NUP93: variants seen among roughly 807,000 people sequenced by gnomAD.
NUP93 encodes nucleoporin 93.
Under a neutral mutation model 107.8 loss-of-function variants are expected in NUP93, and 55 were observed. That is an observed-to-expected ratio of 0.51 (90% CI 0.41 to 0.64). The LOEUF (loss-of-function observed/expected upper bound fraction) is 0.64. Among genes scored for constraint, NUP93 ranks in the 30% least tolerant of loss-of-function variants. The pLI is 0.00. For missense variants in NUP93, 937 were observed against 1,044.7 expected (o/e 0.90, Z 1.42); for synonymous variants, 390 against 397.5 (o/e 0.98, Z 0.22).
In NUP93 at chr16:56,838,936, C is replaced by T. The variant is rs762637399; in HGVS notation, c.2019-16C>T. The T allele has an allele frequency of 3.8e-6, 6 of 1,571,152 alleles. No homozygotes were observed. The highest frequency in any genetic ancestry group is 5.3e-6 in the Non-Finnish European group (6 of 1,142,754). ...TGATACACTCTTACTACCCCCACCC[C>T]GTTTTTGTCTTTCAGGTATAGGGCT... On this transcript the variant is annotated splice_polypyrimidine_tract_variant and intron_variant, in intron 18 of 21. Coordinates refer to ENST00000308159, the MANE Select transcript of NUP93 (RefSeq NM_014669.5).
intron 3 of NUP93, among the ~76,000 whole-genome samples, chr16:56,794,695 G>A (rs1223025358): frequency 6.6e-6 from 1 of 151,850 alleles, no homozygotes; most frequent in Non-Finnish European, 1.5e-5. Flanking sequence ...TTGGGAGGCC[G>A]AGGCGGGTGG....
chr16:56,805,668 A>C, intron 5 of NUP93, 36 bp downstream of exon 5: 1 of 1,594,078 alleles, frequency 6.3e-7, no homozygotes, highest in Non-Finnish European at 8.6e-7. Flanking sequence ...ACTGTTAATA[A>C]AAACATGAAG....
rs1350504053 is a variant in NUP93 at position 56,848,867 on chromosome 16, T to C, written c.*4258T>C. 6.6e-6 allele frequency: 1 copy of C among 152,246 alleles called. No individual in the cohort carries two copies. Among genetic ancestry groups the C allele is most frequent in the African/African-American group, 2.4e-5 (1 of 41,468 alleles). The allele number at this position is 152,246 out of a possible 1,614,324, so 9.4% of individuals were successfully genotyped here. A position where few individuals can be genotyped will look rare whatever the true frequency, so the allele number is the denominator to read the frequency against. On this transcript the variant is annotated 3_prime_UTR_variant, in exon 22 of 22. Transcript: ENST00000308159. The stretch of plus-strand genomic sequence containing the variant: ...TTGTTCCCAGAGTTGTGCATAATTC[T>C]TTAAAAGTAGGCTCGTTTTTTTCGT...
In NUP93 at chr16:56,736,888, A is replaced by C. The variant is rs1191611776; in HGVS notation, c.-15+6677A>C. Among the ~76,000 whole-genome samples the C allele has an allele frequency of 8.5e-5, 13 of 152,350 alleles. No homozygotes were observed. The South Asian group carries it at 2.1e-3, about 24-fold the overall frequency. On this transcript the variant is annotated intron_variant, in intron 1 of 21. Coordinates refer to ENST00000308159, the MANE Select transcript of NUP93 (RefSeq NM_014669.5). ...AGATCACATATACTCATGGAAAAGA[A>C]TTTGCCCTGACAAGGGAATCAAATG...
At position 56,788,671 on chromosome 16, in the gene NUP93, G is replaced by A. The variant is rs190104915; in HGVS notation, c.298-9805G>A. On this transcript the variant is annotated intron_variant, in intron 3 of 21. Transcript: ENST00000308159. ...TGAAAAGGGCAGAACTGGCTTTGCA[G>A]TAGTAGCACGGAGATTTAAATGGCC... is the stretch of plus-strand genomic sequence containing the variant. Among the ~76,000 whole-genome samples the A allele has an allele frequency of 8.5e-5, 13 of 152,352 alleles. 1 individual carries two copies. The highest frequency in any genetic ancestry group is 7.2e-4 in the Admixed American group (11 of 15,306).
intron 1 of NUP93, among the ~76,000 whole-genome samples, chr16:56,745,064 G>A (rs1223882930): frequency 4.6e-5 from 7 of 152,282 alleles, no homozygotes; most frequent in East Asian, 1.9e-4. Context: ...TTATATTCTC[G>A]CAGAGGTGAC....
rs1964107735 is a variant in NUP93, at chr16:56,845,626, G to C, written c.*1017G>C. The C allele has an allele frequency of 6.6e-6, 1 of 152,214 alleles. No homozygotes were observed. Among genetic ancestry groups the C allele is most frequent in the African/African-American group, 2.4e-5 (1 of 41,446 alleles). The allele number at this position is 152,214 out of a possible 1,614,324, so 9.4% of individuals were successfully genotyped here. On this transcript the variant is annotated 3_prime_UTR_variant, in exon 22 of 22. Transcript: ENST00000308159. ...CCAGAGAGCAAATTAGGTCGTGTTT[G>C]TTCCTGAATGGGCCAACTGGAGCCT... is the stretch of plus-strand genomic sequence containing the variant.
intron 5 of NUP93, among the ~76,000 whole-genome samples, chr16:56,815,859 A>ACTGCTG (rs1386091589): frequency 8.2e-5 from 7 of 84,942 alleles, no homozygotes; most frequent in African/African-American, 3.3e-4. Flanking sequence ...TCCAGCTACT[A>ACTGCTG]CTGCTACTGC....
intron 8 of NUP93, 30 bp downstream of exon 8, chr16:56,823,876 C>T: frequency 6.2e-7 from 1 of 1,604,676 alleles, no homozygotes; most frequent in East Asian, 2.2e-5. Context: ...GTGGGGCTGG[C>T]TTTCACATCC....
At chr16:56,835,433 C>T (rs1963889514) in intron 16 of NUP93, among the ~76,000 whole-genome samples, 1 of 152,260 alleles carries the variant, frequency 6.6e-6, no homozygotes, top group Non-Finnish European at 1.5e-5. Flanking sequence ...CTCACACCAT[C>T]TACCTCAGAA....
At chr16:56,763,196 T>G (rs1385847014) in intron 3 of NUP93, among the ~76,000 whole-genome samples, 1 of 152,230 alleles carries the variant, frequency 6.6e-6, no homozygotes, top group Non-Finnish European at 1.5e-5. Flanking sequence ...AGATATCCAT[T>G]GCTAGTCGTT....
At chr16:56,794,921 C>CT (rs1187656875) in intron 3 of NUP93, among the ~76,000 whole-genome samples, 2 of 91,250 alleles carry the variant, frequency 2.2e-5, no homozygotes, top group African/African-American at 1.0e-4. Context: ...GAGCGAGACT[C>CT]TGTCTCAAAA....
At chr16:56,783,439 C>G (rs1226011953) in intron 3 of NUP93, 5 of 980,524 alleles carry the variant, frequency 5.1e-6, no homozygotes, top group Non-Finnish European at 6.1e-6. Context: ...TCCTTTGAAA[C>G]TCTGACCCAG....
Position 56,793,112 on chromosome 16 carries a change from A to T in NUP93, c.298-5364A>T, listed in dbSNP as rs1385844844. ...TGCCTAGAGCAGTGTCTGGCCCTTAATTGCTTCCTGAATGGTGGCTATTAT... is the reference window on the plus strand; with the variant it reads ...TGCCTAGAGCAGTGTCTGGCCCTTATTTGCTTCCTGAATGGTGGCTATTAT... On this transcript the variant is annotated intron_variant, in intron 3 of 21. Transcript: ENST00000308159. Among the ~76,000 whole-genome samples, 4 of 152,148 alleles carry T rather than the reference A, an allele frequency of 2.6e-5. No individual in the cohort carries two copies. The East Asian group carries it at 7.7e-4, about 29-fold the overall frequency.
intron 5 of NUP93, among the ~76,000 whole-genome samples, chr16:56,813,880 A>G (rs1250218953): frequency 3.9e-5 from 6 of 152,154 alleles, no homozygotes; most frequent in Admixed American, 3.9e-4. Context: ...TATTCCTCTC[A>G]TTTTGTCCAT....
intron 11 of NUP93, 51 bp downstream of exon 11, chr16:56,832,058 C>A: frequency 6.3e-7 from 1 of 1,597,128 alleles, no homozygotes. Context: ...TTTCTGTGCT[C>A]AAGTCCCCGC....
intron 17 of NUP93, 33 bp from the exon 18 acceptor site, chr16:56,837,575 T>G: frequency 6.6e-7 from 1 of 1,509,978 alleles, no homozygotes; most frequent in Admixed American, 1.7e-5. Context: ...ATTACTTTAT[T>G]GATTGCTTCC....
chr16:56,784,374 C>G (rs1214630756), intron 3 of NUP93, among the ~76,000 whole-genome samples: 1 of 152,078 alleles, frequency 6.6e-6, no homozygotes, highest in East Asian at 1.9e-4. Context: ...TTTGACAAAA[C>G]AAGATTTTTG....
intron 7 of NUP93, among the ~76,000 whole-genome samples, chr16:56,822,514 CAAAAA>C (rs751717930): frequency 1.1e-5 from 1 of 92,040 alleles, no homozygotes; most frequent in African/African-American, 4.1e-5. Context: ...GGCCCTGTCT[CAAAAA>C]AAAAAAAAAA....
Sources: gnomAD v4.1 joint callset for allele counts (sites outside exome capture counted in the v4.1 genomes callset) on GRCh38, gnomAD v4.1.1 for gene constraint, MANE v1.5 for transcripts, NCBI Gene and HGNC (gene_info 2026-07-23, HGNC 2026-07-21) for gene names.